ARHGAP29: variants seen among roughly 807,000 people sequenced by gnomAD.
ARHGAP29 encodes the protein Rho GTPase activating protein 29.
A neutral mutation model predicts 122.6 loss-of-function variants in ARHGAP29; 43 were observed. The ratio of observed to expected loss-of-function variants is 0.35; its 90% CI spans 0.27 to 0.45. The LOEUF is 0.45. Ranked by LOEUF, ARHGAP29 falls within the 20% of genes least tolerant of loss-of-function variation. The pLI, the probability that ARHGAP29 is intolerant of heterozygous loss-of-function variation, is 1.00. For missense variants in ARHGAP29, 1,303 were observed against 1,477.2 expected (o/e 0.88, Z 1.93); for synonymous variants, 506 against 497.1 (o/e 1.02, Z -0.24).
the ARHGAP29 span, among the ~76,000 whole-genome samples, chr1:94,309,783 G>T: frequency 6.6e-6 from 1 of 152,138 alleles, no homozygotes. Flanking sequence ...CAACCAGAGG[G>T]CAGAAGAAGA....
intron 12 of ARHGAP29, chr1:94,193,980 T>C (rs982951869): frequency 6.6e-6 from 1 of 152,222 alleles, no homozygotes; most frequent in Non-Finnish European, 1.5e-5. Flanking sequence ...GTAATTTACA[T>C]ATATCAAATA....
At chr1:94,222,613 G>T (rs1652368701) in intron 2 of ARHGAP29, among the ~76,000 whole-genome samples, 1 of 152,112 alleles carries the variant, frequency 6.6e-6, no homozygotes, top group Non-Finnish European at 1.5e-5. Flanking sequence ...TACAGCCAAG[G>T]AAGACCTAAG....
chr1:94,289,177 T>A, the ARHGAP29 span, among the ~76,000 whole-genome samples: 1 of 152,322 alleles, frequency 6.6e-6, no homozygotes, highest in South Asian at 2.1e-4. Flanking sequence ...AGCAGTGGTT[T>A]GTAGTTCTCC....
the ARHGAP29 span, among the ~76,000 whole-genome samples, chr1:94,289,081 G>T: frequency 2.0e-5 from 3 of 152,296 alleles, no homozygotes; most frequent in African/African-American, 7.2e-5. Flanking sequence ...TAACTTGGCA[G>T]TATGGCCATT....
chr1:94,203,317 C>A, intron 8 of ARHGAP29, 107 bp from the exon 9 acceptor site: 5 of 685,846 alleles, frequency 7.3e-6, no homozygotes, highest in South Asian at 6.2e-5. Flanking sequence ...GACTTTTGCC[C>A]CCAGAAAAAT....
chr1:94,266,566 C>G (rs959726300), intron 1 of ARHGAP29, among the ~76,000 whole-genome samples: 1 of 152,146 alleles, frequency 6.6e-6, no homozygotes, highest in African/African-American at 2.4e-5. Flanking sequence ...CATACTATGG[C>G]CTTTGCTTCT....
At chr1:94,243,670 G>A (rs1249082912) in intron 1 of ARHGAP29, among the ~76,000 whole-genome samples, 1 of 151,950 alleles carries the variant, frequency 6.6e-6, no homozygotes, top group Non-Finnish European at 1.5e-5. Flanking sequence ...AAAGTAAGCA[G>A]AAGGAAGTAA....
At chr1:94,297,036 G>T in the ARHGAP29 span, among the ~76,000 whole-genome samples, 5 of 152,308 alleles carry the variant, frequency 3.3e-5, no homozygotes, top group African/African-American at 1.2e-4. Flanking sequence ...GGTCTGATTT[G>T]TGTGACCATC....
At chr1:94,307,152 C>T in the ARHGAP29 span, among the ~76,000 whole-genome samples, 7 of 152,074 alleles carry the variant, frequency 4.6e-5, no homozygotes, top group African/African-American at 7.2e-5. Flanking sequence ...TTGCCAAACC[C>T]GATCCCAGTG....
At chr1:94,297,724 A>G in the ARHGAP29 span, among the ~76,000 whole-genome samples, 1 of 152,168 alleles carries the variant, frequency 6.6e-6, no homozygotes, top group African/African-American at 2.4e-5. Flanking sequence ...GTGTTTCATC[A>G]GGAACTTGGG....
At chr1:94,225,239 T>C (rs4847296) in intron 2 of ARHGAP29, among the ~76,000 whole-genome samples, 132,628 of 152,074 alleles carry the variant, frequency 0.87, 58,169 homozygotes, top group Non-Finnish European at 0.92. Context: ...TAGATTTAGA[T>C]AGAGAAACCT....
chr1:94,262,465 A>G (rs1481109207), intron 1 of ARHGAP29, among the ~76,000 whole-genome samples: 2 of 152,136 alleles, frequency 1.3e-5, no homozygotes, highest in African/African-American at 4.8e-5. Flanking sequence ...AGTAAACAGA[A>G]CCTACAGAAT....
intron 1 of ARHGAP29, among the ~76,000 whole-genome samples, chr1:94,269,679 C>T (rs371309042): frequency 3.9e-5 from 6 of 152,078 alleles, no homozygotes; most frequent in African/African-American, 1.4e-4. Context: ...AATAATAATG[C>T]AATAGATTCA....
rs749933468 is a variant in ARHGAP29 at position 94,174,231 on chromosome 1, G to A, written c.3424C>T (p.Arg1142Trp). ...GCGAGAGGGTAGGAATCTGAAGACC[G>A]TCTCTCAGATGCCTCTCTCACTGAC... ...VRSVREASER[R>W]SSDSYPLAPV... is the part of the protein sequence containing the mutation. The change falls in exon 23 of 23, where the codon CGG becomes TGG. Residue 1142 changes from arginine to tryptophan, a missense_variant. Arg to Trp is a moderately radical substitution (Grantham distance 101). This residue lies in a region of ARHGAP29 where 620 missense variants were observed against 651.2 expected (regional missense o/e 0.95). Coordinates refer to ENST00000260526, the MANE Select transcript of ARHGAP29 (RefSeq NM_004815.4). 1.5e-5 allele frequency: 24 copies of A among 1,614,080 alleles called. No homozygotes were observed. In the Admixed American group the frequency reaches 1.7e-4, roughly 11 times the overall value.
intron 16 of ARHGAP29, 137 bp from the exon 17 acceptor site, chr1:94,185,618 G>T: frequency 1.3e-6 from 1 of 745,660 alleles, no homozygotes; most frequent in Non-Finnish European, 1.9e-6. Context: ...TATCAAAATA[G>T]CTAGTTAGCA....
In ARHGAP29 at chr1:94,177,738, T is replaced by A. The variant is rs892613949; in HGVS notation, c.2797-18A>T. On this transcript the variant is annotated intron_variant, in intron 21 of 22. Coordinates refer to ENST00000260526, the MANE Select transcript of ARHGAP29 (RefSeq NM_004815.4). ...TGGATATCCTGTTGATGCAAGATAA[T>A]TTTTAAAATGGAAGAAGTAAAACAT... 1.3e-6 allele frequency: 2 copies of A among 1,595,262 alleles called. No homozygotes were observed. Among genetic ancestry groups the A allele is most frequent in the African/African-American group, 2.7e-5 (2 of 73,922 alleles).
At chr1:94,194,476 A>G in intron 12 of ARHGAP29, 1 of 152,216 alleles carries the variant, frequency 6.6e-6, no homozygotes, top group East Asian at 1.9e-4. Flanking sequence ...TGACTTAACA[A>G]AGATTTATTT....
intron 12 of ARHGAP29, chr1:94,192,674 A>G (rs1012661387): frequency 6.6e-6 from 1 of 152,100 alleles, no homozygotes; most frequent in East Asian, 1.9e-4. Context: ...AATTTCTGTT[A>G]CTTTTTTCTC....
chr1:94,304,843 G>T, the ARHGAP29 span, among the ~76,000 whole-genome samples: 2 of 152,116 alleles, frequency 1.3e-5, no homozygotes, highest in East Asian at 3.9e-4. Context: ...TGTACTTTTA[G>T]GTCAGTTCAG....
Sources: allele counts gnomAD v4.1 joint callset (sites outside exome capture counted in the v4.1 genomes callset), GRCh38; gene constraint gnomAD v4.1.1; regional missense constraint gnomAD v4.1.1; transcripts MANE v1.5; gene names NCBI Gene and HGNC (gene_info 2026-07-23, HGNC 2026-07-21).